MYT1L: variants seen among roughly 807,000 people sequenced by gnomAD.
MYT1L encodes myelin transcription factor 1-like protein.
Under a neutral mutation model 126.7 loss-of-function variants are expected in MYT1L, and 12 were observed. That is an observed-to-expected ratio of 0.09 (90% CI 0.06 to 0.15). The LOEUF (loss-of-function observed/expected upper bound fraction) is 0.15. MYT1L is among the 10% of genes least tolerant of loss of function. MYT1L has a pLI of 1.00. For missense variants in MYT1L, 979 were observed against 1,585.2 expected, an observed-to-expected ratio of 0.62 and a Z score of 6.49; for synonymous variants, 541 against 604.2, an observed-to-expected ratio of 0.90 and a Z score of 1.53.
chr2:2,278,618 A>G (rs1176696868), intron 2 of MYT1L, among the ~76,000 whole-genome samples: 4 of 152,240 alleles, frequency 2.6e-5, no homozygotes, highest in Non-Finnish European at 5.9e-5. Flanking sequence ...TATCTAACAT[A>G]TTAGAACTTT....
chr2:2,199,367 C>T (rs1572388041), intron 2 of MYT1L, among the ~76,000 whole-genome samples: 1 of 152,208 alleles, frequency 6.6e-6, no homozygotes, highest in Non-Finnish European at 1.5e-5. Flanking sequence ...TGCCTTCTTG[C>T]CGGCCACAAT....
chr2:2,226,268 T>C (rs1313865035), intron 2 of MYT1L, among the ~76,000 whole-genome samples: 1 of 152,118 alleles, frequency 6.6e-6, no homozygotes, highest in African/African-American at 2.4e-5. Context: ...TAGCGGGGGC[T>C]TTTCAACATC....
chr2:2,033,326 G>A (rs545797439), intron 4 of MYT1L, among the ~76,000 whole-genome samples: 55 of 140,628 alleles, frequency 3.9e-4, no homozygotes, highest in African/African-American at 1.3e-3. Flanking sequence ...ACACACCCTC[G>A]CCAGTGCCTC....
rs1573575117 is a variant in MYT1L at position 1,919,853 on chromosome 2, C to T, written c.1483+2433G>A. ...ACGCCATTCTCCTGCCTCAGCCTCC[C>T]GAGTAGCTGGGACTACAGGCGCCCA... On this transcript the variant is annotated intron_variant, in intron 10 of 24. Transcript: ENST00000647738. Among the ~76,000 whole-genome samples, 4 of 152,156 alleles carry T rather than the reference C, an allele frequency of 2.6e-5. No homozygotes were observed. The South Asian group carries it at 6.2e-4, about 24-fold the overall frequency.
chr2:2,319,327 C>T (rs573005042), intron 1 of MYT1L: 1 of 152,292 alleles, frequency 6.6e-6, no homozygotes, highest in South Asian at 2.1e-4. Context: ...AGACCCCTGA[C>T]AGTTACCAAC....
chr2:1,813,783 T>C (rs1487374392), intron 21 of MYT1L, among the ~76,000 whole-genome samples: 4 of 149,932 alleles, frequency 2.7e-5, no homozygotes, highest in Non-Finnish European at 5.9e-5. Context: ...ATCCCAGCAC[T>C]TTGGGAGGCC....
At chr2:2,070,626 G>A (rs1187858873) in intron 3 of MYT1L, among the ~76,000 whole-genome samples, 2 of 152,144 alleles carry the variant, frequency 1.3e-5, no homozygotes, top group Admixed American at 6.5e-5. Flanking sequence ...ATTGTGTCAC[G>A]TACACCATGC....
intron 23 of MYT1L, among the ~76,000 whole-genome samples, chr2:1,792,995 C>T (rs1033402619): frequency 6.6e-6 from 1 of 152,006 alleles, no homozygotes; most frequent in Non-Finnish European, 1.5e-5. Flanking sequence ...TGTTTCCCTG[C>T]GCGATCCTGT....
chr2:1,867,395 C>T (rs1189478517), intron 18 of MYT1L, among the ~76,000 whole-genome samples: 1 of 152,140 alleles, frequency 6.6e-6, no homozygotes, highest in Non-Finnish European at 1.5e-5. Context: ...GCCCTTGCCT[C>T]CTGCCTATCC....
chr2:2,269,890 C>T (rs926679723), intron 2 of MYT1L, among the ~76,000 whole-genome samples: 2 of 152,190 alleles, frequency 1.3e-5, no homozygotes, highest in African/African-American at 4.8e-5. Context: ...TCATACAGTC[C>T]TTTATCTCTG....
intron 19 of MYT1L, among the ~76,000 whole-genome samples, chr2:1,846,675 C>T (rs533798937): frequency 4.6e-5 from 7 of 152,294 alleles, no homozygotes; most frequent in South Asian, 4.1e-4. Context: ...GGTGGGTGTC[C>T]GGCCCGGAGC....
intron 4 of MYT1L, among the ~76,000 whole-genome samples, chr2:2,008,314 G>A (rs1318243927): frequency 3.3e-5 from 5 of 152,220 alleles, no homozygotes; most frequent in Non-Finnish European, 5.9e-5. Context: ...GGCGTGGCCA[G>A]CCTCGCATTA....
At chr2:1,992,050 T>A (rs1368648516) in intron 5 of MYT1L, among the ~76,000 whole-genome samples, 3 of 152,170 alleles carry the variant, frequency 2.0e-5, no homozygotes, top group Non-Finnish European at 4.4e-5. Context: ...ATCTTAGGGT[T>A]TTCCCTTAAC....
At chr2:1,855,104 G>T (rs1405055242) in intron 18 of MYT1L, among the ~76,000 whole-genome samples, 3 of 152,108 alleles carry the variant, frequency 2.0e-5, no homozygotes, top group Non-Finnish European at 4.4e-5. Context: ...AAGAATTTAA[G>T]GCTCTTTAAA....
intron 9 of MYT1L, among the ~76,000 whole-genome samples, chr2:1,941,419 A>T (rs183706061): frequency 6.6e-6 from 1 of 152,340 alleles, no homozygotes; most frequent in East Asian, 1.9e-4. Context: ...ACTCAAAATG[A>T]CACTCACTTA....
chr2:2,113,897 A>C (rs554382325), intron 3 of MYT1L, among the ~76,000 whole-genome samples: 1 of 152,062 alleles, frequency 6.6e-6, no homozygotes, highest in African/African-American at 2.4e-5. Context: ...TACTGCCTCC[A>C]TTACACAGAT....
intron 2 of MYT1L, among the ~76,000 whole-genome samples, chr2:2,182,838 C>T (rs940833417): frequency 6.6e-6 from 1 of 152,152 alleles, no homozygotes; most frequent in Non-Finnish European, 1.5e-5. Context: ...GGATAAACAT[C>T]ACAGTAGATA....
intron 2 of MYT1L, among the ~76,000 whole-genome samples, chr2:2,175,474 G>A (rs17247338): frequency 0.043 from 6,587 of 152,118 alleles, 173 homozygotes; most frequent in East Asian, 0.08. Context: ...AAAGCTCCGT[G>A]TGAGATTGGT....
intron 2 of MYT1L, among the ~76,000 whole-genome samples, chr2:2,225,079 A>C (rs998598442): frequency 2.6e-5 from 4 of 151,836 alleles, no homozygotes; most frequent in African/African-American, 7.3e-5. Context: ...CCACCTTTAG[A>C]GATGGCACCC....
Sources: gnomAD v4.1 joint callset for allele counts (sites outside exome capture counted in the v4.1 genomes callset) on GRCh38, gnomAD v4.1.1 for gene constraint, MANE v1.5 for transcripts, NCBI Gene and HGNC (gene_info 2026-07-23, HGNC 2026-07-21) for gene names.